Variants in RSPO3 observed in about 807,000 individuals in gnomAD.
The protein encoded by RSPO3 is R-spondin-3.
In RSPO3, 17 loss-of-function variants were observed where a neutral mutation model predicts 36.5. The ratio of observed to expected loss-of-function variants is 0.47; its 90% confidence interval spans 0.32 to 0.70. The LOEUF is 0.70. Among genes scored for constraint, RSPO3 ranks in the 30% least tolerant of loss-of-function variants. RSPO3 has a pLI of 0.04. For missense variants in RSPO3, 294 were observed against 322.5 expected (o/e 0.91, Z 0.68); for synonymous variants, 108 against 107.0 (o/e 1.01, Z -0.06).
chr6:127,195,380 G>A (rs549680416), intron 4 of RSPO3, among the ~76,000 whole-genome samples: 3 of 152,222 alleles, frequency 2.0e-5, no homozygotes, highest in African/African-American at 7.2e-5. Flanking sequence ...TGTTGCCCAA[G>A]CTGATCTTGA....
intron 1 of RSPO3, among the ~76,000 whole-genome samples, chr6:127,128,429 G>T (rs1030509315): frequency 1.3e-5 from 2 of 151,048 alleles, no homozygotes; most frequent in Non-Finnish European, 3.0e-5. Flanking sequence ...AATCTTTGGG[G>T]ATGGTACCTG....
chr6:127,142,209 T>C (rs1370744913), intron 1 of RSPO3, among the ~76,000 whole-genome samples: 1 of 152,130 alleles, frequency 6.6e-6, no homozygotes, highest in African/African-American at 2.4e-5. Flanking sequence ...ATTCAGAAAA[T>C]CTTGTGTTCA....
intron 1 of RSPO3, among the ~76,000 whole-genome samples, chr6:127,120,311 A>T (rs567256406): frequency 1.3e-5 from 2 of 152,186 alleles, no homozygotes; most frequent in South Asian, 4.2e-4. Context: ...CTGTGTTCCC[A>T]TGGGGAGTCC....
At chr6:127,152,360 G>C (rs868662167) in intron 3 of RSPO3, among the ~76,000 whole-genome samples, 30 of 152,182 alleles carry the variant, frequency 2.0e-4, no homozygotes, top group Middle Eastern at 6.8e-3. Context: ...ATGGCGCCTA[G>C]CCTGCAGGTA....
At chr6:127,163,191 A>G (rs1388376022) in intron 4 of RSPO3, among the ~76,000 whole-genome samples, 2 of 152,122 alleles carry the variant, frequency 1.3e-5, no homozygotes, top group Non-Finnish European at 1.5e-5. Flanking sequence ...TGCTAATTGC[A>G]AAGTAAATAT....
At chr6:127,140,777 C>T (rs1478531401) in intron 1 of RSPO3, among the ~76,000 whole-genome samples, 1 of 152,162 alleles carries the variant, frequency 6.6e-6, no homozygotes, top group African/African-American at 2.4e-5. Context: ...TTTTATAGCA[C>T]TCAACGCATT....
At chr6:127,130,440 A>G (rs1282084456) in intron 1 of RSPO3, among the ~76,000 whole-genome samples, 1 of 152,122 alleles carries the variant, frequency 6.6e-6, no homozygotes, top group African/African-American at 2.4e-5. Flanking sequence ...TAAATCTACA[A>G]ACAGGAAGTC....
chr6:127,189,224 G>A (rs946341308), intron 4 of RSPO3, among the ~76,000 whole-genome samples: 5 of 152,042 alleles, frequency 3.3e-5, no homozygotes, highest in Admixed American at 1.3e-4. Flanking sequence ...ACACAGAGAG[G>A]AGAAATGTAA....
rs1325607303 is a variant in RSPO3 at position 127,198,727 on chromosome 6, C to T, written c.*2720C>T. On this transcript the variant is annotated 3_prime_UTR_variant, in exon 5 of 5. Transcript: ENST00000356698. ...GTGTAACCACTAGTGAGTCACTTAA[C>T]TCCTCTGGGTCCCCATTTCTCATGT... 6.6e-6 allele frequency among the ~76,000 whole-genome samples: 1 copy of T among 152,188 alleles called. No homozygotes were observed. Among genetic ancestry groups the T allele is most frequent in the Admixed American group, 6.5e-5 (1 of 15,286 alleles).
rs181290443 is a variant in RSPO3, at chr6:127,178,358, G to A, written c.635-17465G>A. On this transcript the variant is annotated intron_variant, in intron 4 of 4. Coordinates refer to ENST00000356698, the MANE Select transcript of RSPO3 (RefSeq NM_032784.5). ...TATATAATTATAAAAATAGAAGTCA[G>A]GTTAAAAAATGATTAATATTGGTGC... Among the ~76,000 whole-genome samples, 526 of 151,712 alleles carry A rather than the reference G, an allele frequency of 3.5e-3. 2 individuals carry two copies. The highest frequency in any genetic ancestry group is 4.0e-3 in the Non-Finnish European group (273 of 67,788).
intron 4 of RSPO3, among the ~76,000 whole-genome samples, chr6:127,166,985 T>C (rs1398823007): frequency 2.0e-5 from 3 of 152,032 alleles, no homozygotes; most frequent in Non-Finnish European, 2.9e-5. Flanking sequence ...CACCACTTAA[T>C]AGGAATTATT....
At chr6:127,192,615 T>C (rs1207787229) in intron 4 of RSPO3, 1 of 977,390 alleles carries the variant, frequency 1.0e-6, no homozygotes, top group Non-Finnish European at 1.2e-6. Context: ...AAATTCTCTT[T>C]GATGTTTTCT....
intron 1 of RSPO3, among the ~76,000 whole-genome samples, chr6:127,128,634 A>G (rs995713032): frequency 1.3e-5 from 2 of 152,126 alleles, no homozygotes; most frequent in Non-Finnish European, 2.9e-5. Context: ...TGTCATTTGA[A>G]CAAATAGTAG....
In RSPO3 at chr6:127,148,359, A is replaced by G. The variant is rs1269387118; in HGVS notation, c.98-289A>G. ...AGTTATACATAATTTAAAAATATAT[A>G]TTATATGATAAAGAGACTATGTATA... is the stretch of plus-strand genomic sequence containing the variant. On this transcript the variant is annotated intron_variant, in intron 1 of 4. Coordinates refer to ENST00000356698, the MANE Select transcript of RSPO3 (RefSeq NM_032784.5). 2.6e-5 allele frequency among the ~76,000 whole-genome samples: 4 copies of G among 151,366 alleles called. No homozygotes were observed. The South Asian group carries it at 8.3e-4, about 31-fold the overall frequency.
chr6:127,158,513 T>C (rs924817229), intron 4 of RSPO3, among the ~76,000 whole-genome samples: 2 of 152,062 alleles, frequency 1.3e-5, no homozygotes, highest in African/African-American at 2.4e-5. Context: ...TCTGTTGAAA[T>C]TGCCAAAGGC....
At chr6:127,120,369 C>T (rs773112291) in intron 1 of RSPO3, among the ~76,000 whole-genome samples, 1 of 152,134 alleles carries the variant, frequency 6.6e-6, no homozygotes, top group Non-Finnish European at 1.5e-5. Context: ...TGGTTGGGGG[C>T]GCTGGTGGAG....
chr6:127,166,655 G>A (rs1774826604), intron 4 of RSPO3, among the ~76,000 whole-genome samples: 1 of 151,956 alleles, frequency 6.6e-6, no homozygotes, highest in Admixed American at 6.6e-5. Context: ...AATATTAAAT[G>A]TAGTCTCAAA....
chr6:127,160,923 C>G (rs1194726033), intron 4 of RSPO3, among the ~76,000 whole-genome samples: 2 of 152,120 alleles, frequency 1.3e-5, no homozygotes, highest in Non-Finnish European at 1.5e-5. Flanking sequence ...ATCATGGTCA[C>G]ATATGACTTA....
At chr6:127,190,789 A>T (rs1003733232) in intron 4 of RSPO3, among the ~76,000 whole-genome samples, 2 of 152,218 alleles carry the variant, frequency 1.3e-5, no homozygotes, top group South Asian at 2.1e-4. Flanking sequence ...ACTTCGCAAG[A>T]AATTCACAAA....
Sources: allele counts gnomAD v4.1 joint callset (sites outside exome capture counted in the v4.1 genomes callset), GRCh38; gene constraint gnomAD v4.1.1; transcripts MANE v1.5; gene names NCBI Gene and HGNC (gene_info 2026-07-23, HGNC 2026-07-21).